ANKRD29: variants seen among roughly 807,000 people sequenced by gnomAD.
ANKRD29 encodes ankyrin repeat domain 29, also known as ankyrin repeat domain-containing protein 29.
In ANKRD29, 32 loss-of-function variants were observed where a neutral mutation model predicts 38.0. The observed-to-expected ratio is 0.84, with a 90% confidence interval of 0.64 to 1.13. The LOEUF (loss-of-function observed/expected upper bound fraction) is 1.13, where lower values mean the gene tolerates loss of function less well. ANKRD29 is among the 50% of genes most tolerant of loss of function. The pLI, the probability that ANKRD29 is intolerant of heterozygous loss-of-function variation, is 0.00. For missense variants in ANKRD29, 357 were observed against 377.9 expected, an observed-to-expected ratio of 0.94 and a Z score of 0.46; for synonymous variants, 135 against 152.4, an observed-to-expected ratio of 0.89 and a Z score of 0.84.
chr18:23,610,201 G>A (rs887025077), intron 9 of ANKRD29, among the ~76,000 whole-genome samples: 1 of 152,180 alleles, frequency 6.6e-6, no homozygotes, highest in Admixed American at 6.5e-5. Flanking sequence ...TTTATGGCTG[G>A]GCGCAGTGGC....
chr18:23,654,510 C>T (rs931479089), intron 1 of ANKRD29, among the ~76,000 whole-genome samples: 1 of 148,660 alleles, frequency 6.7e-6, no homozygotes, highest in African/African-American at 2.5e-5. Context: ...ATCCCAGCTA[C>T]TCGGGAGGCT....
chr18:23,619,807 T>C (rs2059773846), intron 6 of ANKRD29, 178 bp from the exon 7 acceptor site: 6 of 538,580 alleles, frequency 1.1e-5, no homozygotes, highest in Non-Finnish European at 1.9e-5. Flanking sequence ...AGAGGGGGTG[T>C]GTGTAGCCCA....
intron 3 of ANKRD29, among the ~76,000 whole-genome samples, chr18:23,643,946 A>G (rs1232782388): frequency 6.6e-6 from 1 of 152,258 alleles, no homozygotes; most frequent in Non-Finnish European, 1.5e-5. Context: ...CTTAGCTTCC[A>G]AAACTGGTAC....
intron 3 of ANKRD29, among the ~76,000 whole-genome samples, chr18:23,641,944 T>A (rs767046132): frequency 6.6e-6 from 1 of 152,092 alleles, no homozygotes; most frequent in Non-Finnish European, 1.5e-5. Context: ...ATTTTGGGTC[T>A]CCTCAGATCA....
At chr18:23,651,202 G>A (rs558773348) in intron 1 of ANKRD29, among the ~76,000 whole-genome samples, 2 of 152,326 alleles carry the variant, frequency 1.3e-5, no homozygotes, top group South Asian at 2.1e-4. Context: ...AGGGTGGAGA[G>A]TGATAAGCTA....
At chr18:23,619,134 G>A (rs973037424) in intron 7 of ANKRD29, among the ~76,000 whole-genome samples, 1 of 152,170 alleles carries the variant, frequency 6.6e-6, no homozygotes, top group East Asian at 1.9e-4. Context: ...AACAGGGGAC[G>A]GGGTGCAAGG....
In ANKRD29 at chr18:23,646,280, G is replaced by C; in HGVS notation, c.140C>G (p.Thr47Ser). The stretch of plus-strand genomic sequence containing the variant: ...GTAGGCAGCAACCATCAGGAGTGTG[G>C]TGCCATGCTGGATGGAGGAGAGACA... ...VDVDCRDSHGTTLLMVAAYAG... is the reference protein window; with the variant it reads ...VDVDCRDSHGSTLLMVAAYAG... The change falls in exon 3 of 10, where the codon ACC becomes AGC. Residue 47 changes from threonine (T) to serine (S), a missense_variant. Thr to Ser is a moderately conservative substitution (Grantham distance 58). Coordinates refer to ENST00000592179, the MANE Select transcript of ANKRD29 (RefSeq NM_173505.4). 1 of 1,613,762 alleles carries C rather than the reference G, an allele frequency of 6.2e-7. No individual in the cohort carries two copies. The highest frequency in any genetic ancestry group is 1.6e-4 in the Middle Eastern group (1 of 6,062).
chr18:23,629,151 A>T (rs1213365088), intron 6 of ANKRD29, among the ~76,000 whole-genome samples: 1 of 152,136 alleles, frequency 6.6e-6, no homozygotes, highest in African/African-American at 2.4e-5. Flanking sequence ...CGCCTGGCTA[A>T]TTTTTGTATT....
chr18:23,603,846 C>CTT (rs914546758), intron 9 of ANKRD29, among the ~76,000 whole-genome samples: 1 of 142,820 alleles, frequency 7.0e-6, no homozygotes. Context: ...ATGTTTACTT[C>CTT]TTTTTTTTTT....
chr18:23,626,352 C>T (rs151066474), intron 6 of ANKRD29, among the ~76,000 whole-genome samples: 1 of 152,206 alleles, frequency 6.6e-6, no homozygotes, highest in African/African-American at 2.4e-5. Context: ...TCTGGGTTAA[C>T]AGGATCAGAC....
At chr18:23,619,144 G>A (rs1599082373) in intron 7 of ANKRD29, among the ~76,000 whole-genome samples, 2 of 152,210 alleles carry the variant, frequency 1.3e-5, no homozygotes, top group African/African-American at 2.4e-5. Flanking sequence ...GGGGTGCAAG[G>A]GGTCTGCAGC....
intron 9 of ANKRD29, among the ~76,000 whole-genome samples, chr18:23,610,241 G>A (rs931462826): frequency 1.3e-5 from 2 of 152,202 alleles, no homozygotes; most frequent in South Asian, 2.1e-4. Flanking sequence ...ACTTTGGGAG[G>A]CCGAGGGGGG....
intron 9 of ANKRD29, among the ~76,000 whole-genome samples, chr18:23,609,056 T>C (rs1442470904): frequency 6.6e-6 from 1 of 151,652 alleles, no homozygotes; most frequent in East Asian, 1.9e-4. Context: ...ATCGCACCAT[T>C]GCACTCCAGC....
At position 23,612,109 on chromosome 18, in the gene ANKRD29, G is replaced by T. The variant is rs771097662; in HGVS notation, c.805C>A (p.Pro269Thr). 6.2e-7 allele frequency: 1 copy of T among 1,613,600 alleles called. No individual in the cohort carries two copies. Among genetic ancestry groups the T allele is most frequent in the Admixed American group, 1.7e-5 (1 of 60,002 alleles). Residue 269 changes from proline to threonine, a missense_variant, in exon 9 of 10, where the codon CCA (proline) becomes ACA (threonine). Pro to Thr is a conservative substitution (Grantham distance 38). Coordinates refer to ENST00000592179, the MANE Select transcript of ANKRD29 (RefSeq NM_173505.4). ...GTGGGTACCTTGTTTCTCAGGGATG[G>T]GTCTGCCCCTGCTTCTAGGAGCAGC... is the stretch of plus-strand genomic sequence containing the variant. ...VALLLEAGADPSLRNKANELP... is the reference protein window; with the variant it reads ...VALLLEAGADTSLRNKANELP...
At chr18:23,641,175 C>T (rs1629335) in intron 3 of ANKRD29, among the ~76,000 whole-genome samples, 5 of 152,098 alleles carry the variant, frequency 3.3e-5, no homozygotes, top group African/African-American at 4.8e-5. Flanking sequence ...GGCTGCCACA[C>T]GGGAGGTGCA....
intron 1 of ANKRD29, among the ~76,000 whole-genome samples, chr18:23,652,382 C>T (rs776039169): frequency 2.0e-5 from 3 of 152,160 alleles, no homozygotes; most frequent in Non-Finnish European, 2.9e-5. Context: ...TGAGGCTGCC[C>T]TTTAACTCCC....
At chr18:23,662,271 C>T (rs1335633444) in intron 1 of ANKRD29, among the ~76,000 whole-genome samples, 1 of 152,208 alleles carries the variant, frequency 6.6e-6, no homozygotes, top group Non-Finnish European at 1.5e-5. Context: ...CCTGAAGCCT[C>T]CCTGGGTGCT....
intron 6 of ANKRD29, among the ~76,000 whole-genome samples, chr18:23,622,469 A>G (rs529793789): frequency 6.6e-6 from 1 of 152,322 alleles, no homozygotes; most frequent in Admixed American, 6.5e-5. Flanking sequence ...TGTGCTTTTC[A>G]ATGGCTTGGT....
chr18:23,627,094 A>G (rs759555326), intron 6 of ANKRD29, among the ~76,000 whole-genome samples: 10 of 152,232 alleles, frequency 6.6e-5, no homozygotes, highest in Admixed American at 5.9e-4. Context: ...TTCTTGGAAC[A>G]TAATAAATAT....
Sources: gnomAD v4.1 joint callset for allele counts (sites outside exome capture counted in the v4.1 genomes callset) on GRCh38, gnomAD v4.1.1 for gene constraint, MANE v1.5 for transcripts, NCBI Gene and HGNC (gene_info 2026-07-23, HGNC 2026-07-21) for gene names.